Variants in PLPP4 observed in about 807,000 individuals in gnomAD.
PLPP4 encodes diacylglycerol pyrophosphate like 2.
A neutral mutation model predicts 32.2 loss-of-function variants in PLPP4; 20 were observed. The ratio of observed to expected loss-of-function variants is 0.62; its 90% confidence interval spans 0.44 to 0.90. PLPP4 has a LOEUF of 0.90. Among genes scored for constraint, PLPP4 ranks in the 40% least tolerant of loss-of-function variants. The probability of loss-of-function intolerance (pLI) is 0.00; values close to 1 mark genes in which losing one functional copy is unlikely to be tolerated. For missense variants in PLPP4, 257 were observed against 353.1 expected, an observed-to-expected ratio of 0.73 and a Z score of 2.18; for synonymous variants, 127 against 133.0, an observed-to-expected ratio of 0.95 and a Z score of 0.31.
At chr10:120,534,873 T>A (rs1212168441) in intron 5 of PLPP4, among the ~76,000 whole-genome samples, 1 of 152,184 alleles carries the variant, frequency 6.6e-6, no homozygotes, top group Non-Finnish European at 1.5e-5. Context: ...TCCTGAGGCG[T>A]GCTTTCCTTT....
chr10:120,514,027 A>G, intron 3 of PLPP4, 26 bp downstream of exon 3: 1 of 1,505,730 alleles, frequency 6.6e-7, no homozygotes, highest in Non-Finnish European at 9.2e-7. Context: ...TTCCTGCTTT[A>G]GGGAATGGGG....
chr10:120,583,194 C>T (rs941321717), intron 6 of PLPP4, among the ~76,000 whole-genome samples: 2 of 151,690 alleles, frequency 1.3e-5, no homozygotes, highest in African/African-American at 4.8e-5. Context: ...TTCTGGAGGA[C>T]CTGACAGCAC....
chr10:120,581,120 A>C, intron 6 of PLPP4: 1 of 1,226,440 alleles, frequency 8.2e-7, no homozygotes, highest in East Asian at 5.8e-5. Context: ...ATTCTCAGTC[A>C]GGACTTCTGC....
In PLPP4 at chr10:120,590,878, C is replaced by T. The variant is rs1276358132; in HGVS notation, c.*1376C>T. ...TTTGCCTCTGGGTTCAAGCTATTCT[C>T]GTGCCTCAGCCTCCCAAGTAGCTAG... On this transcript the variant is annotated 3_prime_UTR_variant, in exon 7 of 7. Coordinates refer to ENST00000398250, the MANE Select transcript of PLPP4 (RefSeq NM_001030059.3). Among the ~76,000 whole-genome samples, 1 of 150,686 alleles carries T rather than the reference C, an allele frequency of 6.6e-6. No homozygotes were observed. The highest frequency in any genetic ancestry group is 1.5e-5 in the Non-Finnish European group (1 of 67,914).
At chr10:120,553,694 C>A (rs1460806892) in intron 5 of PLPP4, among the ~76,000 whole-genome samples, 1 of 152,216 alleles carries the variant, frequency 6.6e-6, no homozygotes, top group Non-Finnish European at 1.5e-5. Flanking sequence ...AGACTTAACA[C>A]CATGTGGAAG....
chr10:120,547,316 C>T (rs1847673579), intron 5 of PLPP4, among the ~76,000 whole-genome samples: 1 of 151,840 alleles, frequency 6.6e-6, no homozygotes, highest in South Asian at 2.1e-4. Flanking sequence ...CCTATGAGAA[C>T]CTATTATTTA....
At chr10:120,583,182 TC>T (rs1485356397) in intron 6 of PLPP4, among the ~76,000 whole-genome samples, 2 of 151,758 alleles carry the variant, frequency 1.3e-5, no homozygotes, top group South Asian at 2.1e-4. Flanking sequence ...GAAGGGATGA[TC>T]TTCTGGAGGA....
chr10:120,580,673 ACACAC>A lies in PLPP4; in HGVS notation c.616+5373_616+5377del, dbSNP rs1564855622. Among the ~76,000 whole-genome samples, 75 of 133,048 alleles carry A rather than the reference ACACAC, an allele frequency of 5.6e-4. 1 individual carries two copies. The highest frequency in any genetic ancestry group is 2.9e-3 in the Admixed American group (35 of 11,980). The allele number at this position is 133,048 out of a possible 152,430, so 87.3% of individuals were successfully genotyped here. A position where few individuals can be genotyped will look rare whatever the true frequency, so the allele number is the denominator to read the frequency against. On this transcript the variant is annotated intron_variant, in intron 6 of 6. Coordinates refer to ENST00000398250, the MANE Select transcript of PLPP4 (RefSeq NM_001030059.3). ...CACACACACACACACACACACACAC[ACACAC>A]ACGGCTGAGGGACATACACTGTTAT...
In PLPP4 at chr10:120,520,997, G is replaced by C; in HGVS notation, c.347G>C (p.Cys116Ser). ...CCTCGCCCCGATTTCTTTTACCGCT[G>C]CTTTCCAGATGGAGTGATGAACTCG... ...GRPRPDFFYR[C>S]FPDGVMNSEM... Residue 116 changes from cysteine to serine, a missense_variant, in exon 5 of 7, where the codon TGC becomes TCC. By Grantham distance (112) the Cys-to-Ser change is moderately radical (BLOSUM62 -1). Transcript: ENST00000398250. 6.2e-7 allele frequency: 1 copy of C among 1,614,000 alleles called. No individual in the cohort carries two copies. The highest frequency in any genetic ancestry group is 1.1e-5 in the South Asian group (1 of 91,058).
At chr10:120,517,039 C>T (rs1381616236) in intron 3 of PLPP4, among the ~76,000 whole-genome samples, 1 of 152,324 alleles carries the variant, frequency 6.6e-6, no homozygotes, top group Non-Finnish European at 1.5e-5. Context: ...TCCAGCTCAG[C>T]TATTTCAGAC....
intron 5 of PLPP4, among the ~76,000 whole-genome samples, chr10:120,556,386 G>T (rs961566336): frequency 6.6e-6 from 1 of 152,148 alleles, no homozygotes; most frequent in Admixed American, 6.5e-5. Context: ...AATCACAGCG[G>T]GAGTGGAACA....
chr10:120,586,156 A>G (rs1849746865), intron 6 of PLPP4, among the ~76,000 whole-genome samples: 1 of 141,712 alleles, frequency 7.1e-6, no homozygotes, highest in Non-Finnish European at 1.5e-5. Context: ...TTTTAAAGAG[A>G]TGGAGACTTG....
intron 1 of PLPP4, among the ~76,000 whole-genome samples, chr10:120,501,748 C>A (rs1021744085): frequency 6.6e-6 from 1 of 152,160 alleles, no homozygotes; most frequent in African/African-American, 2.4e-5. Context: ...CCCATCAGGG[C>A]CACCTAGGGG....
At chr10:120,514,116 G>A (rs1845840549) in intron 3 of PLPP4, 115 bp downstream of exon 3, 1 of 820,642 alleles carries the variant, frequency 1.2e-6, no homozygotes, top group East Asian at 2.5e-5. Context: ...AAATTAAGCT[G>A]GGGAGGAACA....
intron 5 of PLPP4, among the ~76,000 whole-genome samples, chr10:120,531,628 A>C (rs1254945988): frequency 6.6e-6 from 1 of 151,834 alleles, no homozygotes; most frequent in Non-Finnish European, 1.5e-5. Context: ...GTAGAGTTTG[A>C]AGTTCATTTT....
intron 6 of PLPP4, chr10:120,587,581 A>G (rs577934982): frequency 6.6e-6 from 1 of 152,366 alleles, no homozygotes; most frequent in Non-Finnish European, 1.5e-5. Flanking sequence ...TGAAAGTAGA[A>G]GCAATTCTAT....
intron 5 of PLPP4, among the ~76,000 whole-genome samples, chr10:120,555,732 A>G (rs565016117): frequency 2.9e-4 from 44 of 152,352 alleles, no homozygotes; most frequent in African/African-American, 1.0e-3. Flanking sequence ...ATCACCTGCC[A>G]GCCTTGACCT....
chr10:120,556,870 C>G (rs1848186052), intron 5 of PLPP4, among the ~76,000 whole-genome samples: 1 of 143,568 alleles, frequency 7.0e-6, no homozygotes, highest in African/African-American at 2.6e-5. Context: ...AAAGTTATTG[C>G]AGATTTTGCA....
chr10:120,486,215 C>A (rs913103), intron 1 of PLPP4, among the ~76,000 whole-genome samples: 2 of 151,764 alleles, frequency 1.3e-5, no homozygotes, highest in African/African-American at 4.8e-5. Flanking sequence ...ATTCGGGCAG[C>A]CCCGTCAACC....
Sources: gnomAD v4.1 joint callset for allele counts (sites outside exome capture counted in the v4.1 genomes callset) on GRCh38, gnomAD v4.1.1 for gene constraint, MANE v1.5 for transcripts, NCBI Gene and HGNC (gene_info 2026-07-23, HGNC 2026-07-21) for gene names.